TH: variants seen among roughly 807,000 people sequenced by gnomAD.
The protein encoded by TH is tyrosine hydroxylase.
In TH, 49 loss-of-function variants were observed where a neutral mutation model predicts 57.4. The observed-to-expected ratio is 0.85, with a 90% CI of 0.68 to 1.08. The LOEUF is 1.08. TH is among the 50% of genes least tolerant of loss of function. The pLI is 0.00. For synonymous variants in TH, 330 were observed against 304.5 expected, an observed-to-expected ratio of 1.08 and a Z score of -0.87; for missense variants, 720 against 696.7, an observed-to-expected ratio of 1.03 and a Z score of -0.38.
chr11:2,166,944 T>G lies in TH; in HGVS notation c.784A>C (p.Ser262Arg). 1 of 1,598,892 alleles carries G rather than the reference T, an allele frequency of 6.3e-7. No homozygotes were observed. Residue 262 changes from serine to arginine, a missense_variant, in exon 7 of 13, where the codon AGC becomes CGC. Ser to Arg is a moderately radical substitution (Grantham distance 110, BLOSUM62 -1). Coordinates refer to ENST00000352909, the MANE Select transcript of TH (RefSeq NM_000360.4). ...LEAFALLERFSGYREDNIPQL... is the reference protein window; with the variant it reads ...LEAFALLERFRGYREDNIPQL... ...GGGATATTGTCTTCCCGGTAGCCGC[T>G]GAAGCGCTCCAGCAAAGCAAAGGCC...
intron 9 of TH, 59 bp from the exon 10 acceptor site, chr11:2,166,117 G>C: frequency 6.5e-7 from 1 of 1,527,368 alleles, no homozygotes; most frequent in Non-Finnish European, 8.9e-7. Flanking sequence ...GCTCGAGGTG[G>C]GGGCACCGGG....
chr11:2,166,934 C>A lies in TH; in HGVS notation c.794G>T (p.Arg265Leu). ...FALLERFSGY[R>L]EDNIPQLEDV... Reference sequence around the variant, plus strand: ...CTCCAGCTGGGGGATATTGTCTTCCCGGTAGCCGCTGAAGCGCTCCAGCAA... The same window carrying A: ...CTCCAGCTGGGGGATATTGTCTTCCAGGTAGCCGCTGAAGCGCTCCAGCAA... The change falls in exon 7 of 13, where the codon CGG becomes CTG. Residue 265 changes from arginine (R) to leucine (L), a missense_variant. Arg to Leu is a moderately radical substitution (Grantham distance 102). Transcript: ENST00000352909. 2 of 1,601,094 alleles carry A rather than the reference C, an allele frequency of 1.2e-6. No homozygotes were observed. The highest frequency in any genetic ancestry group is 8.5e-7 in the Non-Finnish European group (1 of 1,175,076).
intron 4 of TH, 40 bp from the exon 5 acceptor site, chr11:2,167,973 G>A (rs371993260): frequency 9.9e-6 from 16 of 1,609,496 alleles, no homozygotes; most frequent in East Asian, 6.7e-5. Context: ...AGGCTGTGCT[G>A]GGGTGGGGGC....
rs1381853766 is a variant in TH, at chr11:2,167,443, A to T, written c.687T>A (p.Ile229=). The T allele has an allele frequency of 6.4e-7, 1 of 1,562,532 alleles. No homozygotes were observed. The part of the protein sequence containing the change: ...IPRVEYTAEE[I]ATWKEVYTTL... Reference sequence around the variant, plus strand: ...CTGCACGGAGGTCTCACCAGGTGGCAATCTCCTCGGCGGTGTACTCCACAC... The same window carrying T: ...CTGCACGGAGGTCTCACCAGGTGGCTATCTCCTCGGCGGTGTACTCCACAC... The change falls in exon 6 of 13, where the codon ATT becomes ATA. Residue 229 remains isoleucine (I), a synonymous_variant. Transcript: ENST00000352909.
At position 2,170,865 on chromosome 11, in the gene TH, C is replaced by G. The variant is rs546512836; in HGVS notation, c.90+832G>C. ...GGCGCCCTGTGTCCCTGAGAAGGTA[C>G]CTGGAAATGACACTGCTACAACTCA... On this transcript the variant is annotated intron_variant, in intron 1 of 12. Coordinates refer to ENST00000352909, the MANE Select transcript of TH (RefSeq NM_000360.4). The surrounding 1 kb of genome is among the most constrained non-coding windows in gnomAD (Gnocchi z 6.0). 18 of 647,858 alleles carry G rather than the reference C, an allele frequency of 2.8e-5. No individual in the cohort carries two copies. The highest frequency in any genetic ancestry group is 4.3e-5 in the Non-Finnish European group (16 of 373,866). The allele number at this position is 647,858 out of a possible 1,614,324, so 40.1% of individuals were successfully genotyped here. A position where few individuals can be genotyped will look rare whatever the true frequency, so the allele number is the denominator to read the frequency against.
Position 2,164,256 on chromosome 11 carries a change from G to A in TH, c.1471C>T (p.His491Tyr). ...ACCTAGCCAATGGCACTCAGCGCAT[G>A]GGCAAGGGTGTCCAGCTCATCCTGG... ...GVQDELDTLA[H>Y]ALSAIG The change falls in exon 13 of 13, where the codon CAT (histidine) becomes TAT (tyrosine). Residue 491 changes from histidine (H) to tyrosine (Y), a missense_variant. Coordinates refer to ENST00000352909, the MANE Select transcript of TH (RefSeq NM_000360.4). The A allele has an allele frequency of 6.7e-7, 1 of 1,491,920 alleles. No homozygotes were observed. Among genetic ancestry groups the A allele is most frequent in the Non-Finnish European group, 8.9e-7 (1 of 1,118,374 alleles). The allele number at this position is 1,491,920 out of a possible 1,614,324, so 92.4% of individuals were successfully genotyped here. A position where few individuals can be genotyped will look rare whatever the true frequency, so the allele number is the denominator to read the frequency against.
chr11:2,167,621 G>T lies in TH; in HGVS notation c.645-136C>A, dbSNP rs888027963. On this transcript the variant is annotated intron_variant, in intron 5 of 12. Transcript: ENST00000352909. The stretch of plus-strand genomic sequence containing the variant: ...TTTGGGTTGGAGGATGGACAGGAGG[G>T]TGCACCCCAGCTGACTGTGCCGTGA... The T allele has an allele frequency of 5.1e-6, 6 of 1,186,532 alleles. No homozygotes were observed. In the Admixed American group the frequency reaches 1.0e-4, roughly 20 times the overall value. 73.5% of individuals were successfully genotyped at this position (1,186,532 alleles called of 1,614,324 possible). A position where few individuals can be genotyped will look rare whatever the true frequency, so the allele number is the denominator to read the frequency against.
chr11:2,166,874 C>T lies in TH; in HGVS notation c.841+13G>A, dbSNP rs748305951. On this transcript the variant is annotated intron_variant, in intron 7 of 12. Transcript: ENST00000352909. The stretch of plus-strand genomic sequence containing the variant: ...CGGCCCCCCGGCTCTGCGCCCCTCC[C>T]GTCTGGGCACACCCTTCAGGAAGCG... 3.7e-6 allele frequency: 6 copies of T among 1,603,366 alleles called. No homozygotes were observed. The highest frequency in any genetic ancestry group is 4.5e-5 in the East Asian group (2 of 44,492).
chr11:2,168,333 G>A (rs112031747), intron 3 of TH, among the ~76,000 whole-genome samples, 154 bp from the exon 4 acceptor site: 130 of 152,228 alleles, frequency 8.5e-4, no homozygotes, highest in African/African-American at 1.4e-3. Context: ...CCCCAGGCCC[G>A]GACACGGATG....
At chr11:2,168,341 A>G in intron 3 of TH, 150 bp downstream of exon 3, 1 of 1,344,914 alleles carries the variant, frequency 7.4e-7, no homozygotes, top group East Asian at 2.4e-5. Context: ...CCGGACACGG[A>G]TGTGTAGCAA....
intron 6 of TH, 110 bp downstream of exon 6, chr11:2,167,325 C>T (rs1259700360): frequency 1.5e-6 from 2 of 1,302,722 alleles, no homozygotes; most frequent in South Asian, 1.3e-5. Flanking sequence ...TCTTCCCGGC[C>T]TTAGTCTCTC....
At chr11:2,166,349 G>T in intron 9 of TH, 131 bp downstream of exon 9, 2 of 1,256,150 alleles carry the variant, frequency 1.6e-6, no homozygotes, top group Non-Finnish European at 2.2e-6. Flanking sequence ...CGACCCTCGG[G>T]GCGCCGAGCC....
chr11:2,169,102 T>C (rs1214711326), intron 2 of TH, among the ~76,000 whole-genome samples: 3 of 152,064 alleles, frequency 2.0e-5, no homozygotes, highest in Admixed American at 6.5e-5. Context: ...CACCCCCACC[T>C]CCTGTTGCCT....
At chr11:2,167,197 G>A (rs1187534272) in intron 6 of TH, 165 bp from the exon 7 acceptor site, 1 of 1,128,836 alleles carries the variant, frequency 8.9e-7, no homozygotes. Context: ...GGTGGCTTTA[G>A]GGAATCCCAG....
chr11:2,168,166 TGGGAACCAGG>T lies in TH; in HGVS notation c.491_500del (p.Pro164GlnfsTer39), dbSNP rs1564919109. 2 of 1,613,422 alleles carry T rather than the reference TGGGAACCAGG, an allele frequency of 1.2e-6. No homozygotes were observed. Among genetic ancestry groups the T allele is most frequent in the Admixed American group, 3.3e-5 (2 of 60,006 alleles). On this transcript the variant is annotated frameshift_variant, in exon 4 of 13. Transcript: ENST00000352909. LOFTEE classifies it high-confidence loss of function. ...ACTTGTCCAGCTCTGACACTTTTCT[TGGGAACCAGG>T]GGACTTTATGGGTGATGGAGGAAGA... is the stretch of plus-strand genomic sequence containing the variant.
rs1387817676 is a variant in TH, at chr11:2,170,784, G to C, written c.90+913C>G. 1.4e-6 allele frequency: 2 copies of C among 1,391,932 alleles called. No homozygotes were observed. Among genetic ancestry groups the C allele is most frequent in the African/African-American group, 1.5e-5 (1 of 64,960 alleles). 86.2% of individuals were successfully genotyped at this position (1,391,932 alleles called of 1,614,324 possible). ...CCCCGGGGCGCCCTGGGGAGGGGAT[G>C]CCTGATGGGGAGCCTGGTGGGGGAG... is the stretch of plus-strand genomic sequence containing the variant. On this transcript the variant is annotated intron_variant, in intron 1 of 12. Transcript: ENST00000352909. This position sits in a 1 kb window ranked among gnomAD's most constrained non-coding sequence, Gnocchi z 6.0.
chr11:2,167,911 C>T lies in TH; in HGVS notation c.599G>A (p.Arg200His), dbSNP rs201224335. 274 of 1,610,994 alleles carry T rather than the reference C, an allele frequency of 1.7e-4. No individual in the cohort carries two copies. The highest frequency in any genetic ancestry group is 2.2e-4 in the Non-Finnish European group (257 of 1,179,178). The change falls in exon 5 of 13, where the codon CGC becomes CAC. Residue 200 changes from arginine (R) to histidine (H), a missense_variant. Physicochemically the swap from Arg to His is conservative, Grantham distance 29 (BLOSUM62 0). Coordinates refer to ENST00000352909, the MANE Select transcript of TH (RefSeq NM_000360.4). Reference protein sequence around the residue: ...DHPGFSDQVYRQRRKLIAEIA... With the variant: ...DHPGFSDQVYHQRRKLIAEIA... ...CTCAGCAATCAGCTTCCTGCGCTGG[C>T]GGTACACCTGGTCCGAGAAGCCCTG...
At chr11:2,167,311 C>T (rs1846125922) in intron 6 of TH, 124 bp downstream of exon 6, 4 of 1,216,044 alleles carry the variant, frequency 3.3e-6, no homozygotes, top group Admixed American at 2.0e-5. Context: ...CTGCAAGTCC[C>T]TCTTCTTCCC....
intron 5 of TH, 51 bp from the exon 6 acceptor site, chr11:2,167,536 A>G (rs1450836557): frequency 1.9e-6 from 3 of 1,540,966 alleles, no homozygotes. Flanking sequence ...TGAGAAGGGC[A>G]GGAGGGAGGG....
Sources: allele counts gnomAD v4.1 joint callset (sites outside exome capture counted in the v4.1 genomes callset), GRCh38; gene constraint gnomAD v4.1.1; non-coding constraint Gnocchi (gnomAD v3.1); transcripts MANE v1.5; gene names NCBI Gene and HGNC (gene_info 2026-07-23, HGNC 2026-07-21).